The following VPS13A variants were observed in gnomAD, a reference collection of about 807,000 sequenced individuals.
The protein encoded by VPS13A is vacuolar protein sorting 13 homolog A, also known as intermembrane lipid transfer protein VPS13A.
A neutral mutation model predicts 390.9 loss-of-function variants in VPS13A; 264 were observed. The observed-to-expected ratio is 0.68, with a 90% confidence interval of 0.61 to 0.75. VPS13A has a LOEUF of 0.75. Ranked by LOEUF, VPS13A falls within the 30% of genes least tolerant of loss-of-function variation. VPS13A has a pLI of 0.00. For missense variants in VPS13A, 3,409 were observed against 3,733.9 expected, an observed-to-expected ratio of 0.91 and a Z score of 2.27; for synonymous variants, 1,231 against 1,227.1, an observed-to-expected ratio of 1.00 and a Z score of -0.07.
At chr9:77,203,602 T>TA (rs1554858985) in intron 3 of VPS13A, among the ~76,000 whole-genome samples, 4 of 152,136 alleles carry the variant, frequency 2.6e-5, no homozygotes, top group East Asian at 1.9e-4. Context: ...TTGGATTTTT[T>TA]AAAAAAACAT....
chr9:77,299,454 G>C (rs1828213512), intron 33 of VPS13A, among the ~76,000 whole-genome samples: 1 of 152,134 alleles, frequency 6.6e-6, no homozygotes, highest in African/African-American at 2.4e-5. Context: ...GGAGAAATAG[G>C]AACACTTTTA....
intron 50 of VPS13A, among the ~76,000 whole-genome samples, chr9:77,342,021 T>C (rs1309263871): frequency 6.6e-6 from 1 of 152,026 alleles, no homozygotes; most frequent in Non-Finnish European, 1.5e-5. Flanking sequence ...ATAAGGGACA[T>C]TGAGAGTTCA....
intron 24 of VPS13A, among the ~76,000 whole-genome samples, chr9:77,274,426 C>CAAAAAAAAA (rs889400152): frequency 3.2e-5 from 2 of 62,214 alleles, no homozygotes; most frequent in Non-Finnish European, 6.3e-5. Flanking sequence ...GAGTCCGAAT[C>CAAAAAAAAA]AAAAAAAAAA....
chr9:77,188,812 G>A (rs930154666), intron 1 of VPS13A, among the ~76,000 whole-genome samples: 2 of 151,946 alleles, frequency 1.3e-5, no homozygotes, highest in African/African-American at 2.4e-5. Flanking sequence ...TTTAATAATA[G>A]CCATTCTGAC....
chr9:77,286,220 A>T (rs1170693835), intron 31 of VPS13A, among the ~76,000 whole-genome samples: 1 of 152,030 alleles, frequency 6.6e-6, no homozygotes, highest in Non-Finnish European at 1.5e-5. Flanking sequence ...CTGTGTCTGG[A>T]GAGTGGCCAT....
intron 19 of VPS13A, among the ~76,000 whole-genome samples, chr9:77,243,194 A>G (rs2131248303): frequency 6.6e-6 from 1 of 152,150 alleles, no homozygotes; most frequent in South Asian, 2.1e-4. Flanking sequence ...TTATAGGTTG[A>G]GTATCCCTTA....
intron 23 of VPS13A, among the ~76,000 whole-genome samples, chr9:77,272,671 T>C (rs1354584335): frequency 2.0e-5 from 3 of 152,048 alleles, no homozygotes; most frequent in Non-Finnish European, 4.4e-5. Flanking sequence ...TACAAACAAC[T>C]AAATAAAAGC....
chr9:77,293,284 A>T, intron 31 of VPS13A, 57 bp from the exon 32 acceptor site: 1 of 1,452,974 alleles, frequency 6.9e-7, no homozygotes, highest in South Asian at 1.2e-5. Context: ...TTATTTTTGT[A>T]CTGAAAATAC....
Position 77,283,592 on chromosome 9 carries a change from ACG to A in VPS13A, c.3283_3284del (p.Ala1095LysfsTer11), listed in dbSNP as rs1827167433. Reference sequence around the variant, plus strand: ...ATGAGGCCTTCAGAAACTGAAATAAACGCAAAGCTAAGGAATATAATTGTTTT... The same window carrying A: ...ATGAGGCCTTCAGAAACTGAAATAAACAAAGCTAAGGAATATAATTGTTTT... On this transcript the variant is annotated frameshift_variant, in exon 31 of 72. Coordinates refer to ENST00000360280, the MANE Select transcript of VPS13A (RefSeq NM_033305.3). LOFTEE classifies it high-confidence loss of function. 6.2e-7 allele frequency: 1 copy of A among 1,613,418 alleles called. No individual in the cohort carries two copies. The highest frequency in any genetic ancestry group is 1.1e-5 in the South Asian group (1 of 91,046).
At chr9:77,354,196 C>T (rs1831632182) in intron 54 of VPS13A, among the ~76,000 whole-genome samples, 1 of 151,944 alleles carries the variant, frequency 6.6e-6, no homozygotes, top group South Asian at 2.1e-4. Flanking sequence ...AATATTTCTT[C>T]TGTATAACCA....
At chr9:77,382,456 G>T in intron 68 of VPS13A, 1 of 1,377,392 alleles carries the variant, frequency 7.3e-7, no homozygotes, top group Non-Finnish European at 9.4e-7. Context: ...TTTTTTTATA[G>T]GGTGTTCTTA....
intron 3 of VPS13A, among the ~76,000 whole-genome samples, chr9:77,203,993 C>T (rs946220859): frequency 7.2e-5 from 11 of 152,148 alleles, no homozygotes; most frequent in African/African-American, 2.4e-4. Flanking sequence ...AGTTTGAGAC[C>T]AGCCTGGGCA....
chr9:77,316,892 A>G (rs191255857), intron 39 of VPS13A, among the ~76,000 whole-genome samples: 78 of 152,204 alleles, frequency 5.1e-4, no homozygotes, highest in African/African-American at 1.9e-3. Flanking sequence ...ACTCTCTAGT[A>G]ACCTCTTGGC....
chr9:77,284,230 A>T (rs72744275), intron 31 of VPS13A, among the ~76,000 whole-genome samples: 8,287 of 152,198 alleles, frequency 0.054, 334 homozygotes, highest in South Asian at 0.12. Context: ...AGCAGGCAGG[A>T]TTATGTATTT....
chr9:77,292,568 C>T (rs552769433), intron 31 of VPS13A, among the ~76,000 whole-genome samples: 2 of 152,234 alleles, frequency 1.3e-5, no homozygotes, highest in Admixed American at 6.5e-5. Flanking sequence ...CTGTCTTGTA[C>T]CTCAGCCTTC....
intron 35 of VPS13A, among the ~76,000 whole-genome samples, chr9:77,311,400 C>G (rs1829069911): frequency 6.6e-6 from 1 of 152,074 alleles, no homozygotes; most frequent in Non-Finnish European, 1.5e-5. Context: ...ACATCATCAC[C>G]CTAAATATTA....
At chr9:77,298,873 C>T (rs1193645087) in intron 33 of VPS13A, among the ~76,000 whole-genome samples, 1 of 152,126 alleles carries the variant, frequency 6.6e-6, no homozygotes, top group African/African-American at 2.4e-5. Flanking sequence ...TTTGACTTGG[C>T]TCTCATCCTC....
At chr9:77,289,668 G>C (rs1008625042) in intron 31 of VPS13A, among the ~76,000 whole-genome samples, 1 of 151,980 alleles carries the variant, frequency 6.6e-6, no homozygotes, top group African/African-American at 2.4e-5. Context: ...GTTTTCTTTG[G>C]AGCAATTAGT....
At chr9:77,392,755 CTATA>C (rs1170717102) in intron 68 of VPS13A, among the ~76,000 whole-genome samples, 1 of 148,566 alleles carries the variant, frequency 6.7e-6, no homozygotes. Context: ...CTATATAAAA[CTATA>C]TATAACTATA....
Sources: allele counts gnomAD v4.1 joint callset (sites outside exome capture counted in the v4.1 genomes callset), GRCh38; gene constraint gnomAD v4.1.1; transcripts MANE v1.5; gene names NCBI Gene and HGNC (gene_info 2026-07-23, HGNC 2026-07-21).